Variants in DEAF1 observed in about 807,000 individuals in gnomAD.
DEAF1 encodes the protein DEAF1 transcription factor, also known as deformed epidermal autoregulatory factor 1 homolog.
A neutral mutation model predicts 58.9 loss-of-function variants in DEAF1; 53 were observed. That is an observed-to-expected ratio of 0.90 (90% CI 0.72 to 1.13). The LOEUF is 1.13. Ranked by LOEUF, DEAF1 falls within the 50% of genes most tolerant of loss-of-function variation. The pLI is 0.00. For missense variants in DEAF1, 685 were observed against 791.4 expected, an observed-to-expected ratio of 0.87 and a Z score of 1.61; for synonymous variants, 385 against 340.4, an observed-to-expected ratio of 1.13 and a Z score of -1.44.
At chr11:700,399 C>T (rs758590384) in intron 1 of DEAF1, among the ~76,000 whole-genome samples, 38 of 151,856 alleles carry the variant, frequency 2.5e-4, no homozygotes, top group South Asian at 6.2e-4. Flanking sequence ...TGGTGGTGGG[C>T]GCCTGTAGTC....
intron 11 of DEAF1, chr11:646,475 G>C (rs1195654657): frequency 6.6e-6 from 1 of 152,244 alleles, no homozygotes; most frequent in Non-Finnish European, 1.5e-5. Context: ...CCCCGTGAGA[G>C]GATGTGGGCG....
At chr11:698,949 G>A, upstream of DEAF1, 1 of 1,606,716 alleles carries the variant, frequency 6.2e-7, no homozygotes, top group East Asian at 2.2e-5. Flanking sequence ...GCTGCACAGA[G>A]AGCACTCGGC....
At chr11:662,018 C>T (rs1192711433) in intron 10 of DEAF1, among the ~76,000 whole-genome samples, 5 of 152,200 alleles carry the variant, frequency 3.3e-5, no homozygotes, top group Non-Finnish European at 7.4e-5. Flanking sequence ...CATTATGGGC[C>T]GGGCGCGGTG....
At chr11:678,858 G>A (rs1359737781) in intron 8 of DEAF1, 36 bp from the exon 9 acceptor site, 3 of 1,611,912 alleles carry the variant, frequency 1.9e-6, no homozygotes, top group Admixed American at 1.7e-5. Context: ...GGCTCGGGAT[G>A]GTTGTCCGCA....
At position 679,582 on chromosome 11, in the gene DEAF1, T is replaced by A. The variant is rs1270068565; in HGVS notation, c.1126+106A>T. ...CAACAAACGCCTGGTTCAAGGCCCC[T>A]CTCGAGGCACCCAGCAGCCTATGCA... On this transcript the variant is annotated intron_variant, in intron 8 of 11. Transcript: ENST00000382409. The A allele has an allele frequency of 3.2e-6, 5 of 1,561,040 alleles. No homozygotes were observed. In the African/African-American group the frequency reaches 5.4e-5, roughly 17 times the overall value.
At chr11:651,479 AT>A (rs1274295940) in intron 11 of DEAF1, 1 of 283,250 alleles carries the variant, frequency 3.5e-6, no homozygotes, top group Non-Finnish European at 6.8e-6. Context: ...ATGTTTTATA[AT>A]GATAAAAGAG....
At chr11:675,864 G>A (rs184384361) in intron 9 of DEAF1, among the ~76,000 whole-genome samples, 23 of 151,812 alleles carry the variant, frequency 1.5e-4, no homozygotes, top group African/African-American at 4.8e-4. Context: ...TTGGGAAGTC[G>A]GGTAAAAAAC....
chr11:657,363 A>T (rs1859106574), intron 10 of DEAF1, among the ~76,000 whole-genome samples: 2 of 152,130 alleles, frequency 1.3e-5, no homozygotes, highest in South Asian at 4.1e-4. Context: ...GCATCAGGGG[A>T]CCCAGGAGCC....
Position 686,891 on chromosome 11 carries a change from G to A in DEAF1, c.771C>T (p.Arg257=). The A allele has an allele frequency of 6.2e-7, 1 of 1,614,236 alleles. No homozygotes were observed. Among genetic ancestry groups the A allele is most frequent in the Non-Finnish European group, 8.5e-7 (1 of 1,180,042 alleles). Reference sequence around the variant, plus strand: ...GGCACTGCAAGGGTCGGCCCGCGTAGCGAATGCTTCTTTTCCAGTCCTTAC... The same window carrying A: ...GGCACTGCAAGGGTCGGCCCGCGTAACGAATGCTTCTTTTCCAGTCCTTAC... ...ASSKDWKRSI[R]YAGRPLQCLI... The change falls in exon 5 of 12, where the codon CGC becomes CGT. Residue 257 remains arginine, a synonymous_variant. Transcript: ENST00000382409.
intron 2 of DEAF1, chr11:689,711 C>T (rs1156921722): frequency 1.3e-5 from 2 of 152,196 alleles, no homozygotes; most frequent in Non-Finnish European, 2.9e-5. Context: ...TTAAGAGTCA[C>T]AGAGTATTTT....
At chr11:663,734 A>G (rs1859412746) in intron 10 of DEAF1, among the ~76,000 whole-genome samples, 1 of 151,700 alleles carries the variant, frequency 6.6e-6, no homozygotes, top group East Asian at 1.9e-4. Flanking sequence ...CCATCTCCTC[A>G]GCGACTGCCT....
At chr11:679,451 T>C (rs775105049) in intron 8 of DEAF1, among the ~76,000 whole-genome samples, 3 of 152,220 alleles carry the variant, frequency 2.0e-5, no homozygotes, top group Non-Finnish European at 2.9e-5. Context: ...CAGAGAGTAT[T>C]TTCAGCTTTG....
chr11:686,184 C>G (rs958380892), intron 5 of DEAF1, among the ~76,000 whole-genome samples: 1 of 148,666 alleles, frequency 6.7e-6, no homozygotes, highest in Non-Finnish European at 1.5e-5. Context: ...CCCAGCTACT[C>G]AGGAGGCTGA....
At position 695,075 on chromosome 11, in the gene DEAF1, C is replaced by T. The variant is rs1309483352; in HGVS notation, c.-28G>A. ...GGACTCCGCCGAGCCTTCCCGAAGG[C>T]GCCGTCCGGGACCGCCCGAAGCGCC... On this transcript the variant is annotated 5_prime_UTR_variant, in exon 1 of 12. Transcript: ENST00000382409. 6.9e-7 allele frequency: 1 copy of T among 1,439,816 alleles called. No individual in the cohort carries two copies. Among genetic ancestry groups the T allele is most frequent in the South Asian group, 1.3e-5 (1 of 76,926 alleles). The allele number at this position is 1,439,816 out of a possible 1,614,324, so 89.2% of individuals were successfully genotyped here. A position where few individuals can be genotyped will look rare whatever the true frequency, so the allele number is the denominator to read the frequency against.
intron 1 of DEAF1, chr11:704,425 C>G (rs1286198019): frequency 7.8e-7 from 1 of 1,286,632 alleles, no homozygotes; most frequent in Non-Finnish European, 1.0e-6. Flanking sequence ...TTCCTTTGAC[C>G]TGTCTGTGGC....
Position 644,595 on chromosome 11 carries a change from G to A in DEAF1, c.1653C>T (p.Asp551=), listed in dbSNP as rs142320326. The A allele has an allele frequency of 7.4e-5, 120 of 1,613,036 alleles. No homozygotes were observed. Among genetic ancestry groups the A allele is most frequent in the Non-Finnish European group, 9.9e-5 (117 of 1,179,980 alleles). ...TCACGCTTTCAGCCACGTGGACTTC[G>A]TCTGCCTGGACGGTGACAGCTGCTG... ...GQSAAVTVQA[D]EVHVAESVME... is the part of the protein sequence containing the mutation. The change falls in exon 12 of 12, where the codon GAC becomes GAT. Residue 551 remains aspartate (D), a synonymous_variant. Transcript: ENST00000382409. The surrounding 1 kb of genome is among the most constrained non-coding windows in gnomAD (Gnocchi z 4.3).
upstream of DEAF1, chr11:695,502 CCT>C: frequency 3.3e-6 from 3 of 902,194 alleles, no homozygotes. Flanking sequence ...CGCAATTCTG[CCT>C]CTCAGAGAGA....
upstream of DEAF1, chr11:698,010 A>C (rs1861277383): frequency 6.6e-6 from 1 of 152,264 alleles, no homozygotes; most frequent in Admixed American, 6.5e-5. Context: ...CTGAAGGGGA[A>C]ATAGAACAGA....
At chr11:679,417 C>T (rs1415969452) in intron 8 of DEAF1, among the ~76,000 whole-genome samples, 1 of 152,196 alleles carries the variant, frequency 6.6e-6, no homozygotes, top group East Asian at 1.9e-4. Flanking sequence ...TGCACAACTG[C>T]AGTCAAAAGC....
Sources: gnomAD v4.1 joint callset for allele counts (sites outside exome capture counted in the v4.1 genomes callset) on GRCh38, gnomAD v4.1.1 for gene constraint, Gnocchi (gnomAD v3.1) non-coding constraint, MANE v1.5 for transcripts, NCBI Gene and HGNC (gene_info 2026-07-23, HGNC 2026-07-21) for gene names.